OSBPL3: variants seen among roughly 807,000 people sequenced by gnomAD.
OSBPL3 encodes oxysterol-binding protein-related protein 3.
A neutral mutation model predicts 120.1 loss-of-function variants in OSBPL3; 65 were observed. The ratio of observed to expected loss-of-function variants is 0.54; its 90% confidence interval spans 0.44 to 0.67. The LOEUF (loss-of-function observed/expected upper bound fraction) is 0.67, where lower values mean the gene tolerates loss of function less well. OSBPL3 is among the 30% of genes least tolerant of loss of function. OSBPL3 has a pLI of 0.00. For missense variants in OSBPL3, 1,004 were observed against 1,082.1 expected (o/e 0.93, Z 1.01); for synonymous variants, 416 against 402.6 (o/e 1.03, Z -0.40).
chr7:24,970,492 C>T (rs1296974168), intron 1 of OSBPL3, among the ~76,000 whole-genome samples: 2 of 152,172 alleles, frequency 1.3e-5, no homozygotes, highest in Admixed American at 6.5e-5. Flanking sequence ...ATCTCCCTCA[C>T]TCCTCCTGAG....
rs564413362 is a variant in OSBPL3 at position 24,954,489 on chromosome 7, G to A, written c.-150+25397C>T. On this transcript the variant is annotated intron_variant, in intron 1 of 22. Transcript: ENST00000313367. ...AGACCCAGTTAACCTTGGCATTTCT[G>A]CTGCAAACAAAGTGTTTAGACAAAC... Among the ~76,000 whole-genome samples, 13 of 152,080 alleles carry A rather than the reference G, an allele frequency of 8.5e-5. No homozygotes were observed. The South Asian group carries it at 2.7e-3, about 32-fold the overall frequency.
At chr7:24,889,279 T>C (rs1476875407) in intron 2 of OSBPL3, among the ~76,000 whole-genome samples, 1 of 152,220 alleles carries the variant, frequency 6.6e-6, no homozygotes, top group Non-Finnish European at 1.5e-5. Context: ...TGATTTCACT[T>C]ACATGTGGAA....
chr7:24,852,449 C>G lies in OSBPL3; in HGVS notation c.1158+55G>C, dbSNP rs199580909. 6.2e-5 allele frequency: 84 copies of G among 1,354,410 alleles called. No individual in the cohort carries two copies. The highest frequency in any genetic ancestry group is 1.4e-4 in the Admixed American group (5 of 35,110). 83.9% of individuals were successfully genotyped at this position (1,354,410 alleles called of 1,614,324 possible). ...AATCATGGAAATAGAAATTACAAAC[C>G]ATTCATGAGCCTGGACACATCTCAG... On this transcript the variant is annotated intron_variant, in intron 11 of 22. Transcript: ENST00000313367. This position sits in a 1 kb window ranked among gnomAD's most constrained non-coding sequence, Gnocchi z 4.1.
In OSBPL3 at chr7:24,818,289, C is replaced by T. The variant is rs1382365804; in HGVS notation, c.1949-1601G>A. Among the ~76,000 whole-genome samples, 1 of 152,074 alleles carries T rather than the reference C, an allele frequency of 6.6e-6. No homozygotes were observed. The highest frequency in any genetic ancestry group is 1.5e-5 in the Non-Finnish European group (1 of 68,008). ...TGTGAATAAAAACCATTGAATTGTACACTTTACACGGGTGAATGATATGGT... is the reference window on the plus strand; with the variant it reads ...TGTGAATAAAAACCATTGAATTGTATACTTTACACGGGTGAATGATATGGT... On this transcript the variant is annotated intron_variant, in intron 17 of 22. Transcript: ENST00000313367. This position sits in a 1 kb window ranked among gnomAD's most constrained non-coding sequence, Gnocchi z 4.0.
At position 24,883,210 on chromosome 7, in the gene OSBPL3, C is replaced by A. The variant is rs1803985348; in HGVS notation, c.96+9167G>T. ...AGGAGGTGATTTAGGGTGATGTGGG[C>A]TTGTGAACAGATGCAGTGGAAAACA... On this transcript the variant is annotated intron_variant, in intron 2 of 22. Transcript: ENST00000313367. The surrounding 1 kb of genome is among the most constrained non-coding windows in gnomAD (Gnocchi z 5.4). Among the ~76,000 whole-genome samples the A allele has an allele frequency of 1.3e-5, 2 of 152,128 alleles. No homozygotes were observed. Among genetic ancestry groups the A allele is most frequent in the Non-Finnish European group, 2.9e-5 (2 of 68,026 alleles).
chr7:24,806,112 A>T lies in OSBPL3; in HGVS notation c.2444+664T>A, dbSNP rs972336099. Among the ~76,000 whole-genome samples the T allele has an allele frequency of 3.9e-5, 6 of 152,142 alleles. No homozygotes were observed. The highest frequency in any genetic ancestry group is 1.4e-4 in the African/African-American group (6 of 41,430). ...GTTGGGACTACGGGCATGTGCCACCACGCCTGGCTAATTTTTGTATTTTTA... is the reference window on the plus strand; with the variant it reads ...GTTGGGACTACGGGCATGTGCCACCTCGCCTGGCTAATTTTTGTATTTTTA... On this transcript the variant is annotated intron_variant, in intron 21 of 22. Coordinates refer to ENST00000313367, the MANE Select transcript of OSBPL3 (RefSeq NM_015550.4). The surrounding 1 kb of genome is among the most constrained non-coding windows in gnomAD (Gnocchi z 5.2).
chr7:24,936,596 T>C lies in OSBPL3; in HGVS notation c.-150+43290A>G, dbSNP rs1400267227. Among the ~76,000 whole-genome samples the C allele has an allele frequency of 2.6e-5, 4 of 152,156 alleles. No individual in the cohort carries two copies. Among genetic ancestry groups the C allele is most frequent in the Admixed American group, 2.6e-4 (4 of 15,272 alleles). On this transcript the variant is annotated intron_variant, in intron 1 of 22. Coordinates refer to ENST00000313367, the MANE Select transcript of OSBPL3 (RefSeq NM_015550.4). This position sits in a 1 kb window ranked among gnomAD's most constrained non-coding sequence, Gnocchi z 4.2. ...GCTGTGGGCCTTGAAACCTCCTATT[T>C]GGGCTTCTGCCAGGTGGCAAAGAGA...
chr7:24,808,285 G>A lies in OSBPL3; in HGVS notation c.2318-1383C>T, dbSNP rs1793318993. 1.3e-5 allele frequency among the ~76,000 whole-genome samples: 2 copies of A among 152,148 alleles called. 1 individual carries two copies. ...TCCTAAGCATAAAAATAGTAGCAAAGTTTCCTATGGTGTCTTGGTCAGCTC... is the reference window on the plus strand; with the variant it reads ...TCCTAAGCATAAAAATAGTAGCAAAATTTCCTATGGTGTCTTGGTCAGCTC... On this transcript the variant is annotated intron_variant, in intron 20 of 22. Transcript: ENST00000313367. This position sits in a 1 kb window ranked among gnomAD's most constrained non-coding sequence, Gnocchi z 4.6.
At chr7:24,878,109 T>C (rs556154329) in intron 2 of OSBPL3, among the ~76,000 whole-genome samples, 1 of 152,372 alleles carries the variant, frequency 6.6e-6, no homozygotes, top group South Asian at 2.1e-4. Context: ...CAAAGGCAGC[T>C]AAGCATTTAT....
At chr7:24,906,502 C>A in intron 1 of OSBPL3, 1 of 200,196 alleles carries the variant, frequency 5.0e-6, no homozygotes, top group South Asian at 8.5e-5. Context: ...CTTTCATATT[C>A]TCTTTGTAGA....
intron 12 of OSBPL3, among the ~76,000 whole-genome samples, chr7:24,846,010 T>C (rs1041274030): frequency 1.3e-5 from 2 of 152,208 alleles, no homozygotes; most frequent in Non-Finnish European, 2.9e-5. Context: ...ATTATAATAA[T>C]GTAATAAATT....
At chr7:24,971,189 A>G (rs2128539103) in intron 1 of OSBPL3, among the ~76,000 whole-genome samples, 1 of 152,352 alleles carries the variant, frequency 6.6e-6, no homozygotes, top group East Asian at 1.9e-4. Context: ...TCTCTAATCA[A>G]GGGCTTGGCA....
At position 24,801,447 on chromosome 7, in the gene OSBPL3, C is replaced by T. The variant is rs111451821; in HGVS notation, c.2568-1168G>A. On this transcript the variant is annotated intron_variant, in intron 22 of 22. Coordinates refer to ENST00000313367, the MANE Select transcript of OSBPL3 (RefSeq NM_015550.4). ...TCAGAGGTAGTGATGTTATCAGCTT[C>T]ATTCTTTCAGGGAAATTCCGTGTGT... Among the ~76,000 whole-genome samples the T allele has an allele frequency of 3.8e-3, 571 of 152,264 alleles. 8 individuals are homozygous for T. Among genetic ancestry groups the T allele is most frequent in the African/African-American group, 0.012 (518 of 41,572 alleles).
intron 16 of OSBPL3, among the ~76,000 whole-genome samples, chr7:24,823,033 T>C (rs144725347): frequency 6.6e-6 from 1 of 152,326 alleles, no homozygotes; most frequent in Non-Finnish European, 1.5e-5. Flanking sequence ...ATTGATAGCT[T>C]ATTATTTTGT....
chr7:24,951,760 A>T (rs1814472919), intron 1 of OSBPL3, among the ~76,000 whole-genome samples: 1 of 152,214 alleles, frequency 6.6e-6, no homozygotes, highest in Non-Finnish European at 1.5e-5. Flanking sequence ...AATGATCCTC[A>T]TAGCTTGCAA....
rs533797080 is a variant in OSBPL3, at chr7:24,968,465, T to C, written c.-150+11421A>G. 2.5e-4 allele frequency among the ~76,000 whole-genome samples: 38 copies of C among 152,308 alleles called. No individual in the cohort carries two copies. The highest frequency in any genetic ancestry group is 9.1e-4 in the African/African-American group (38 of 41,572). On this transcript the variant is annotated intron_variant, in intron 1 of 22. Transcript: ENST00000313367. The surrounding 1 kb of genome is among the most constrained non-coding windows in gnomAD (Gnocchi z 4.6). ...AGACTGGAGTGCAGTGGCGTGATCT[T>C]GGCTCACTGCAGCCACTGCCTCCCG... is the stretch of plus-strand genomic sequence containing the variant.
Position 24,809,843 on chromosome 7 carries a change from C to T in OSBPL3, c.2281G>A (p.Gly761Ser), listed in dbSNP as rs928712483. 2.5e-6 allele frequency: 4 copies of T among 1,614,180 alleles called. No homozygotes were observed. In the Admixed American group the frequency reaches 6.7e-5, roughly 27 times the overall value. ...FGKWHESIYC[G>S]GGSSSACVWR... Reference sequence around the variant, plus strand: ...ACACAGGCAGAAGAGGAGCCGCCGCCACAGTAGATGCTTTCATGCCATTTC... The same window carrying T: ...ACACAGGCAGAAGAGGAGCCGCCGCTACAGTAGATGCTTTCATGCCATTTC... The change falls in exon 20 of 23, where the codon GGC (glycine) becomes AGC (serine). Residue 761 changes from glycine to serine, a missense_variant. By Grantham distance (56) the Gly-to-Ser change is moderately conservative (BLOSUM62 0). Coordinates refer to ENST00000313367, the MANE Select transcript of OSBPL3 (RefSeq NM_015550.4).
At position 24,966,044 on chromosome 7, in the gene OSBPL3, A is replaced by G. The variant is rs1816340166; in HGVS notation, c.-150+13842T>C. 6.6e-6 allele frequency among the ~76,000 whole-genome samples: 1 copy of G among 152,150 alleles called. No homozygotes were observed. Among genetic ancestry groups the G allele is most frequent in the Non-Finnish European group, 1.5e-5 (1 of 68,016 alleles). On this transcript the variant is annotated intron_variant, in intron 1 of 22. Coordinates refer to ENST00000313367, the MANE Select transcript of OSBPL3 (RefSeq NM_015550.4). The surrounding 1 kb of genome is among the most constrained non-coding windows in gnomAD (Gnocchi z 4.8). ...ATTGACACCTGGCTAAGTCTCACAC[A>G]AGTCATCTGAGAGAGAGGAGAAACA...
intron 1 of OSBPL3, among the ~76,000 whole-genome samples, chr7:24,923,232 G>A (rs554182766): frequency 6.6e-6 from 1 of 152,352 alleles, no homozygotes; most frequent in South Asian, 2.1e-4. Flanking sequence ...AGCTCCTCAG[G>A]ACTGGGGAGT....
Sources: gnomAD v4.1 joint callset for allele counts (sites outside exome capture counted in the v4.1 genomes callset) on GRCh38, gnomAD v4.1.1 for gene constraint, Gnocchi (gnomAD v3.1) non-coding constraint, MANE v1.5 for transcripts, NCBI Gene and HGNC (gene_info 2026-07-23, HGNC 2026-07-21) for gene names.